The following KIAA0586 variants were observed in gnomAD, a reference collection of about 807,000 sequenced individuals.
KIAA0586 encodes protein TALPID3.
Under a neutral mutation model 169.8 loss-of-function variants are expected in KIAA0586, and 144 were observed. The ratio of observed to expected loss-of-function variants is 0.85; its 90% CI spans 0.74 to 0.97. KIAA0586 has a LOEUF of 0.97. KIAA0586 is among the 50% of genes least tolerant of loss of function. The pLI, the probability that KIAA0586 is intolerant of heterozygous loss-of-function variation, is 0.00. For missense variants in KIAA0586, 1,854 were observed against 1,823.0 expected, an observed-to-expected ratio of 1.02 and a Z score of -0.31; for synonymous variants, 625 against 612.4, an observed-to-expected ratio of 1.02 and a Z score of -0.30.
chr14:58,511,393 C>A (rs2044373010), intron 28 of KIAA0586, among the ~76,000 whole-genome samples: 1 of 152,076 alleles, frequency 6.6e-6, no homozygotes, highest in South Asian at 2.1e-4. Context: ...TTACTATTAT[C>A]CCCATTTCAT....
chr14:58,517,815 T>TA (rs1187463614), intron 29 of KIAA0586, among the ~76,000 whole-genome samples: 1 of 152,166 alleles, frequency 6.6e-6, no homozygotes, highest in Non-Finnish European at 1.5e-5. Context: ...GAACTACTGA[T>TA]ACACACACAA....
intron 6 of KIAA0586, among the ~76,000 whole-genome samples, chr14:58,445,286 A>C (rs1049327650): frequency 1.3e-5 from 2 of 152,120 alleles, no homozygotes; most frequent in African/African-American, 4.8e-5. Context: ...CCTGGTGTAC[A>C]TGTTTGCTTT....
intron 14 of KIAA0586, chr14:58,464,177 T>C (rs2040554981): frequency 2.8e-6 from 1 of 355,284 alleles, no homozygotes; most frequent in Non-Finnish European, 5.5e-6. Context: ...GGGTTGCTAA[T>C]AATTTATATA....
chr14:58,538,320 C>T (rs1351524307), intron 29 of KIAA0586, among the ~76,000 whole-genome samples: 1 of 152,114 alleles, frequency 6.6e-6, no homozygotes, highest in Non-Finnish European at 1.5e-5. Context: ...ATGTTTATCT[C>T]CAGTGAGAAT....
intron 29 of KIAA0586, among the ~76,000 whole-genome samples, chr14:58,526,490 A>G (rs1356998437): frequency 6.6e-6 from 1 of 152,174 alleles, no homozygotes; most frequent in Non-Finnish European, 1.5e-5. Context: ...AAGGAAAACT[A>G]ACAGAAAGGA....
intron 9 of KIAA0586, among the ~76,000 whole-genome samples, chr14:58,455,730 G>T (rs181203624): frequency 6.6e-6 from 1 of 152,152 alleles, no homozygotes; most frequent in Admixed American, 6.5e-5. Context: ...GCATGTGCTA[G>T]AGCATGCCTC....
At chr14:58,476,817 A>G (rs1302124418) in intron 19 of KIAA0586, among the ~76,000 whole-genome samples, 4 of 151,700 alleles carry the variant, frequency 2.6e-5, no homozygotes, top group African/African-American at 9.7e-5. Context: ...ACAGGCACGT[A>G]CCACCTAATT....
In KIAA0586 at chr14:58,442,715, C is replaced by T. The variant is rs900262881; in HGVS notation, c.420C>T (p.Ser140=). The change falls in exon 5 of 31, where the codon AGC becomes AGT. Residue 140 remains serine (S), a synonymous_variant. Coordinates refer to ENST00000652326, the MANE Select transcript of KIAA0586 (RefSeq NM_001329943.3). The part of the protein sequence containing the change: ...LRTVLKQKAQ[S]MPVFKEVKVH... ...GCTTTTTTATTTATAGAGCTCAAAG[C>T]ATGCCTGTTTTTAAGGAAGTAAAGG... 5.8e-6 allele frequency: 9 copies of T among 1,564,832 alleles called. No homozygotes were observed. The highest frequency in any genetic ancestry group is 7.8e-6 in the Non-Finnish European group (9 of 1,153,360).
intron 14 of KIAA0586, chr14:58,463,826 T>TAA (rs11389147): frequency 0.041 from 8,542 of 208,664 alleles, 3 homozygotes; most frequent in South Asian, 0.088. Context: ...ACCCTGTCTC[T>TAA]AAAAAAAAAA....
intron 12 of KIAA0586, among the ~76,000 whole-genome samples, chr14:58,458,855 G>A (rs1160251990): frequency 1.3e-5 from 2 of 152,162 alleles, no homozygotes; most frequent in African/African-American, 4.8e-5. Context: ...TTTGAAGACA[G>A]TGGATTTAGG....
intron 29 of KIAA0586, among the ~76,000 whole-genome samples, chr14:58,535,053 C>A (rs1258063080): frequency 6.6e-6 from 1 of 152,216 alleles, no homozygotes; most frequent in Admixed American, 6.5e-5. Flanking sequence ...AGCCACTACT[C>A]TGACTTCCAA....
chr14:58,430,804 A>G, intron 3 of KIAA0586, 87 bp downstream of exon 3: 2 of 698,910 alleles, frequency 2.9e-6, no homozygotes, highest in Non-Finnish European at 4.9e-6. Flanking sequence ...GTTCTGTGAC[A>G]GTAAGTACAT....
At chr14:58,557,385 A>G in the KIAA0586 span, among the ~76,000 whole-genome samples, 1 of 152,182 alleles carries the variant, frequency 6.6e-6, no homozygotes, top group African/African-American at 2.4e-5. Flanking sequence ...GAAGGATTTC[A>G]TCATCAGTGA....
In KIAA0586 at chr14:58,470,407, C is replaced by T. The variant is rs1324537791; in HGVS notation, c.2443-206C>T. ...TTAAGATAGAATTTTGTGTGTTTTC[C>T]TCTTTATTTTTCATATTTTATAAAA... On this transcript the variant is annotated intron_variant, in intron 16 of 30. Coordinates refer to ENST00000652326, the MANE Select transcript of KIAA0586 (RefSeq NM_001329943.3). Among the ~76,000 whole-genome samples the T allele has an allele frequency of 2.0e-5, 3 of 151,994 alleles. No homozygotes were observed. In the East Asian group the frequency reaches 5.8e-4, roughly 29 times the overall value.
At chr14:58,470,101 T>C (rs1195999325) in intron 16 of KIAA0586, among the ~76,000 whole-genome samples, 1 of 151,836 alleles carries the variant, frequency 6.6e-6, no homozygotes, top group Non-Finnish European at 1.5e-5. Flanking sequence ...TGTGTGTTTA[T>C]GTGTGTGTAA....
Position 58,536,161 on chromosome 14 carries a change from TGTTTATTGCATGGATATATTG to T in KIAA0586, c.4430-3886_4430-3866del, listed in dbSNP as rs1595525761. Among the ~76,000 whole-genome samples, 4 of 152,124 alleles carry T rather than the reference TGTTTATTGCATGGATATATTG, an allele frequency of 2.6e-5. No homozygotes were observed. The East Asian group carries it at 7.7e-4, about 29-fold the overall frequency. On this transcript the variant is annotated intron_variant, in intron 29 of 30. Coordinates refer to ENST00000652326, the MANE Select transcript of KIAA0586 (RefSeq NM_001329943.3). Reference sequence around the variant, plus strand: ...TTTTAGATTTGGGGGTACATGTGCATGTTTATTGCATGGATATATTGGTTTATTGCATGGATATATTGGTAT... The same window carrying T: ...TTTTAGATTTGGGGGTACATGTGCATGTTTATTGCATGGATATATTGGTAT...
In KIAA0586 at chr14:58,444,641, C is replaced by T. The variant is rs1271465080; in HGVS notation, c.807+466C>T. Among the ~76,000 whole-genome samples, 5 of 152,038 alleles carry T rather than the reference C, an allele frequency of 3.3e-5. No homozygotes were observed. In the South Asian group the frequency reaches 6.2e-4, roughly 19 times the overall value. The stretch of plus-strand genomic sequence containing the variant: ...GTTTCACCATGTTGGTCAGGCTGGT[C>T]TCTAACTCCTGACCTCAAGTGATCT... On this transcript the variant is annotated intron_variant, in intron 6 of 30. Coordinates refer to ENST00000652326, the MANE Select transcript of KIAA0586 (RefSeq NM_001329943.3).
At chr14:58,558,816 A>G in the KIAA0586 span, among the ~76,000 whole-genome samples, 2 of 152,334 alleles carry the variant, frequency 1.3e-5, no homozygotes, top group South Asian at 4.1e-4. Context: ...TGAGCATTGC[A>G]AGGACCGGTA....
At chr14:58,467,222 C>T (rs2040838338) in intron 15 of KIAA0586, among the ~76,000 whole-genome samples, 1 of 152,272 alleles carries the variant, frequency 6.6e-6, no homozygotes, top group South Asian at 2.1e-4. Flanking sequence ...TATATTCTCT[C>T]ATTTAATCCA....
Sources: gnomAD v4.1 joint callset for allele counts (sites outside exome capture counted in the v4.1 genomes callset) on GRCh38, gnomAD v4.1.1 for gene constraint, MANE v1.5 for transcripts, NCBI Gene and HGNC (gene_info 2026-07-23, HGNC 2026-07-21) for gene names.